The following ATP6V1G3 variants were observed in gnomAD, a reference collection of about 807,000 sequenced individuals.
The protein encoded by ATP6V1G3 is V-type proton ATPase subunit G 3.
A neutral mutation model predicts 9.3 loss-of-function variants in ATP6V1G3; 9 were observed. That is an observed-to-expected ratio of 0.97 (90% CI 0.59 to 1.69). ATP6V1G3 has a LOEUF of 1.69. Ranked by LOEUF, ATP6V1G3 falls within the 40% of genes most tolerant of loss-of-function variation. The pLI is 0.00. For missense variants in ATP6V1G3, 133 were observed against 139.0 expected (o/e 0.96, Z 0.22); for synonymous variants, 43 against 43.8 (o/e 0.98, Z 0.07).
At chr1:198,530,366 A>G (rs1194248245) in intron 1 of ATP6V1G3, among the ~76,000 whole-genome samples, 1 of 152,172 alleles carries the variant, frequency 6.6e-6, no homozygotes, top group East Asian at 1.9e-4. Flanking sequence ...CTACCTTTGC[A>G]GCATTTGCAC....
At chr1:198,523,655 C>T in intron 2 of ATP6V1G3, 91 bp from the exon 3 acceptor site, 1 of 1,208,778 alleles carries the variant, frequency 8.3e-7, no homozygotes, top group South Asian at 1.5e-5. Flanking sequence ...GATTGTCCTA[C>T]AATGCACAAT....
chr1:198,524,885 C>T (rs561274659), intron 2 of ATP6V1G3, among the ~76,000 whole-genome samples: 1 of 152,284 alleles, frequency 6.6e-6, no homozygotes, highest in African/African-American at 2.4e-5. Flanking sequence ...TAATGATTGA[C>T]TTCTACTTCA....
intron 1 of ATP6V1G3, among the ~76,000 whole-genome samples, chr1:198,537,653 G>A (rs73077387): frequency 0.015 from 2,269 of 152,200 alleles, 71 homozygotes; most frequent in African/African-American, 0.051. Context: ...AAAAGTATAT[G>A]GGTTTACTAA....
At chr1:198,534,843 A>G (rs965252211) in intron 1 of ATP6V1G3, among the ~76,000 whole-genome samples, 1 of 152,216 alleles carries the variant, frequency 6.6e-6, no homozygotes, top group Non-Finnish European at 1.5e-5. Context: ...GGCGATTGTC[A>G]ATATTGTGAT....
chr1:198,534,102 T>A (rs1660014258), intron 1 of ATP6V1G3, among the ~76,000 whole-genome samples: 1 of 152,184 alleles, frequency 6.6e-6, no homozygotes, highest in Admixed American at 6.5e-5. Context: ...GCTAGAGGAT[T>A]TAATTGTGCC....
chr1:198,530,453 T>C (rs1372828824), intron 1 of ATP6V1G3, among the ~76,000 whole-genome samples: 1 of 152,210 alleles, frequency 6.6e-6, no homozygotes, highest in Non-Finnish European at 1.5e-5. Context: ...GGGATAAAAA[T>C]AGAGTCACTG....
chr1:198,538,656 G>A (rs1660215394), intron 1 of ATP6V1G3, among the ~76,000 whole-genome samples: 1 of 152,094 alleles, frequency 6.6e-6, no homozygotes, highest in Admixed American at 6.6e-5. Context: ...TGTAATTGCA[G>A]TAATTTGGGA....
At position 198,529,194 on chromosome 1, in the gene ATP6V1G3, A is replaced by G; in HGVS notation, c.83-13T>C. 1 of 617,996 alleles carries G rather than the reference A, an allele frequency of 1.6e-6. No individual in the cohort carries two copies. Among genetic ancestry groups the G allele is most frequent in the Non-Finnish European group, 2.4e-6 (1 of 422,394 alleles). 38.3% of individuals were successfully genotyped at this position (617,996 alleles called of 1,614,324 possible). On this transcript the variant is annotated splice_polypyrimidine_tract_variant and intron_variant, in intron 1 of 2. Coordinates refer to ENST00000367382, the MANE Select transcript of ATP6V1G3 (RefSeq NM_001376861.1). ...CGCTTTCCTTTTCCTGAAAATTAAC[A>G]AATATATATATATATATATATAATT... is the stretch of plus-strand genomic sequence containing the variant.
chr1:198,533,300 T>TAA (rs79666501), intron 1 of ATP6V1G3, among the ~76,000 whole-genome samples: 3 of 124,928 alleles, frequency 2.4e-5, no homozygotes, highest in Admixed American at 8.4e-5. Context: ...AGACTCTGTC[T>TAA]AAAAAAAAAA....
chr1:198,523,578 A>G lies in ATP6V1G3; in HGVS notation c.184-14T>C. ...AGAGCCCATTATCTACCAAAACAAA[A>G]CAGACAGAATTCACATCATAATACA... On this transcript the variant is annotated splice_polypyrimidine_tract_variant and intron_variant, in intron 2 of 2. Transcript: ENST00000367382. 1 of 1,606,570 alleles carries G rather than the reference A, an allele frequency of 6.2e-7. No individual in the cohort carries two copies. The highest frequency in any genetic ancestry group is 8.5e-7 in the Non-Finnish European group (1 of 1,176,824).
At chr1:198,540,725 C>A, upstream of ATP6V1G3, 1 of 1,396,594 alleles carries the variant, frequency 7.2e-7, no homozygotes, top group East Asian at 2.3e-5. Context: ...TAGAAATTAA[C>A]ATATAACTCA....
intron 1 of ATP6V1G3, among the ~76,000 whole-genome samples, chr1:198,538,992 T>C (rs2103147076): frequency 6.6e-6 from 1 of 152,290 alleles, no homozygotes; most frequent in Non-Finnish European, 1.5e-5. Flanking sequence ...ACTGCTTTGT[T>C]TTCTATAAAA....
chr1:198,538,507 A>G (rs1197038623), intron 1 of ATP6V1G3, among the ~76,000 whole-genome samples: 4 of 152,202 alleles, frequency 2.6e-5, no homozygotes, highest in Non-Finnish European at 4.4e-5. Flanking sequence ...TATACTCAAT[A>G]TTTCATTTTG....
chr1:198,529,549 A>T (rs1659812499), intron 1 of ATP6V1G3, among the ~76,000 whole-genome samples: 1 of 152,074 alleles, frequency 6.6e-6, no homozygotes. Flanking sequence ...CACTTACTCA[A>T]AAAGACATTA....
intron 1 of ATP6V1G3, among the ~76,000 whole-genome samples, chr1:198,537,627 T>C (rs1014371957): frequency 8.5e-5 from 13 of 152,202 alleles, no homozygotes; most frequent in African/African-American, 3.1e-4. Flanking sequence ...TGAATCTTTG[T>C]ATGAAAAAAT....
intron 2 of ATP6V1G3, 141 bp from the exon 3 acceptor site, chr1:198,523,705 G>A: frequency 2.9e-6 from 2 of 697,718 alleles, no homozygotes; most frequent in Non-Finnish European, 4.5e-6. Context: ...GAACCAACAA[G>A]ATCATCAATG....
intron 1 of ATP6V1G3, among the ~76,000 whole-genome samples, chr1:198,532,922 C>T (rs1659963061): frequency 6.6e-6 from 1 of 152,128 alleles, no homozygotes; most frequent in African/African-American, 2.4e-5. Flanking sequence ...ATATTGATCT[C>T]ACAGGGCACG....
At chr1:198,540,345 T>G (rs1285113631) in intron 1 of ATP6V1G3, among the ~76,000 whole-genome samples, 1 of 152,230 alleles carries the variant, frequency 6.6e-6, no homozygotes, top group Non-Finnish European at 1.5e-5. Context: ...TTAATGTCCA[T>G]GAACACATGA....
At chr1:198,527,656 T>C (rs1286923887) in intron 2 of ATP6V1G3, among the ~76,000 whole-genome samples, 1 of 152,164 alleles carries the variant, frequency 6.6e-6, no homozygotes, top group African/African-American at 2.4e-5. Flanking sequence ...ATGTTATTCA[T>C]TCTTTCAACA....
Sources: gnomAD v4.1 joint callset for allele counts (sites outside exome capture counted in the v4.1 genomes callset) on GRCh38, gnomAD v4.1.1 for gene constraint, MANE v1.5 for transcripts, NCBI Gene and HGNC (gene_info 2026-07-23, HGNC 2026-07-21) for gene names.